Variants in IL16 observed in about 807,000 individuals in gnomAD.
IL16 encodes the protein interleukin 16.
IL16 carries 67 observed loss-of-function variants against 110.1 expected under a neutral mutation model. That is an observed-to-expected ratio of 0.61 (90% CI 0.50 to 0.75). The LOEUF (loss-of-function observed/expected upper bound fraction) is 0.75. Ranked by LOEUF, IL16 falls within the 30% of genes least tolerant of loss-of-function variation. IL16 has a pLI of 0.00. For missense variants in IL16, 1,545 were observed against 1,655.0 expected, an observed-to-expected ratio of 0.93 and a Z score of 1.15; for synonymous variants, 689 against 662.9, an observed-to-expected ratio of 1.04 and a Z score of -0.61.
In IL16 at chr15:81,217,347, A is replaced by G. The variant is rs185829061; in HGVS notation, c.-101-7952A>G. Among the ~76,000 whole-genome samples, 402 of 152,368 alleles carry G rather than the reference A, an allele frequency of 2.6e-3. 2 individuals carry two copies. The highest frequency in any genetic ancestry group is 9.5e-3 in the African/African-American group (393 of 41,586). ...GAGTACTTTTATGACAATGTAAGTGATCAAAATTAACAGAGGAAATTTTTT... is the reference window on the plus strand; with the variant it reads ...GAGTACTTTTATGACAATGTAAGTGGTCAAAATTAACAGAGGAAATTTTTT... On this transcript the variant is annotated intron_variant, in intron 1 of 18. Coordinates refer to ENST00000683961, the MANE Select transcript of IL16 (RefSeq NM_172217.5).
intron 9 of IL16, among the ~76,000 whole-genome samples, chr15:81,284,657 G>C (rs977224254): frequency 1.3e-5 from 2 of 152,344 alleles, no homozygotes; most frequent in East Asian, 3.9e-4. Context: ...CACAGCAGGG[G>C]ACACAGGGAA....
chr15:81,217,646 C>T (rs1037163893), intron 1 of IL16, among the ~76,000 whole-genome samples: 5 of 152,144 alleles, frequency 3.3e-5, no homozygotes, highest in African/African-American at 1.2e-4. Context: ...TTAGCAAACT[C>T]AATCCAGTTA....
chr15:81,279,637 C>G lies in IL16; in HGVS notation c.944C>G (p.Pro315Arg). ...APPSLCSHLS[P>R]PLCRSLSSST... is the part of the protein sequence containing the mutation. ...CCTTCCCTGTGCAGCCACCTGTCTC[C>G]CCCACTGTGCCGCTCCCTGAGCTCC... The change falls in exon 8 of 19, where the codon CCC (proline) becomes CGC (arginine). Residue 315 changes from proline to arginine, a missense_variant. Around this residue, in one of 3 missense-constraint regions of IL16, gnomAD observed 1,185 missense variants for 1,238.8 expected, o/e 0.96. Transcript: ENST00000683961. 1 of 1,614,240 alleles carries G rather than the reference C, an allele frequency of 6.2e-7. No homozygotes were observed. Among genetic ancestry groups the G allele is most frequent in the Non-Finnish European group, 8.5e-7 (1 of 1,180,046 alleles).
At chr15:81,261,338 A>C (rs976402333) in intron 3 of IL16, among the ~76,000 whole-genome samples, 1 of 152,190 alleles carries the variant, frequency 6.6e-6, no homozygotes, top group African/African-American at 2.4e-5. Context: ...CTGGGAGCTG[A>C]ACCCCGCAGA....
chr15:81,240,440 T>C (rs1897304684), intron 2 of IL16, among the ~76,000 whole-genome samples: 1 of 152,048 alleles, frequency 6.6e-6, no homozygotes, highest in Admixed American at 6.6e-5. Context: ...CAAATTATTT[T>C]CTGAAGTGGT....
chr15:81,197,186 C>G, intron 1 of IL16, 34 bp downstream of exon 1: 1 of 1,269,432 alleles, frequency 7.9e-7, no homozygotes, highest in Non-Finnish European at 1.0e-6. Context: ...CTGCTCTGTC[C>G]AGGTGGCCGT....
rs1480954424 is a variant in IL16, at chr15:81,308,914, C to T, written c.*116C>T. 8.8e-6 allele frequency: 8 copies of T among 907,390 alleles called. No individual in the cohort carries two copies. The highest frequency in any genetic ancestry group is 1.3e-5 in the Non-Finnish European group (8 of 607,912). 56.2% of individuals were successfully genotyped at this position (907,390 alleles called of 1,614,324 possible). ...CCAGATGGGGGAAAGCACAGGTGGG[C>T]TTCCCAGTGGCTGCTGCCCAGGCCC... On this transcript the variant is annotated 3_prime_UTR_variant, in exon 19 of 19. Coordinates refer to ENST00000683961, the MANE Select transcript of IL16 (RefSeq NM_172217.5).
chr15:81,306,239 G>A (rs1041614560), intron 17 of IL16, 73 bp downstream of exon 17: 1 of 1,557,576 alleles, frequency 6.4e-7, no homozygotes, highest in South Asian at 1.2e-5. Flanking sequence ...GACCTGATGG[G>A]GCTACTCAGT....
At chr15:81,259,649 A>G in intron 2 of IL16, 123 bp from the exon 3 acceptor site, 1 of 637,522 alleles carries the variant, frequency 1.6e-6, no homozygotes, top group Non-Finnish European at 2.8e-6. Context: ...TATAGTACTT[A>G]TCATTTCAGT....
rs1246775859 is a variant in IL16, at chr15:81,308,798, G to C, written c.3999G>C (p.Ter1333TyrextTer21). 1.1e-5 allele frequency: 17 copies of C among 1,609,508 alleles called. No homozygotes were observed. Among genetic ancestry groups the C allele is most frequent in the Non-Finnish European group, 1.4e-5 (16 of 1,178,600 alleles). ...SKETTAAGDS[*>Y] ...AAACCACAGCTGCTGGAGACTCCTAGGCAGGACATGCTGAAGCCAAAGCCA... is the reference window on the plus strand; with the variant it reads ...AAACCACAGCTGCTGGAGACTCCTACGCAGGACATGCTGAAGCCAAAGCCA... Residue 1333 changes from the stop codon to tyrosine, a stop_lost, in exon 19 of 19, where the codon TAG (stop) becomes TAC (tyrosine). Coordinates refer to ENST00000683961, the MANE Select transcript of IL16 (RefSeq NM_172217.5).
chr15:81,253,262 T>C (rs1399284934), intron 2 of IL16, among the ~76,000 whole-genome samples: 1 of 152,214 alleles, frequency 6.6e-6, no homozygotes, highest in East Asian at 1.9e-4. Context: ...TAGTCTCTTG[T>C]ATATCATTTG....
chr15:81,286,122 T>C (rs1009185043), intron 10 of IL16, among the ~76,000 whole-genome samples: 3 of 152,168 alleles, frequency 2.0e-5, no homozygotes, highest in African/African-American at 7.2e-5. Flanking sequence ...AGAAATTTAT[T>C]CATTTATGCG....
chr15:81,199,030 A>AAAAAATATAT (rs1555411597), intron 1 of IL16, among the ~76,000 whole-genome samples: 2 of 104,202 alleles, frequency 1.9e-5, no homozygotes, highest in Admixed American at 1.9e-4. Context: ...AAAAAAAAAA[A>AAAAAATATAT]ATATATATAT....
intron 1 of IL16, among the ~76,000 whole-genome samples, chr15:81,204,085 T>A (rs1895921233): frequency 6.6e-6 from 1 of 152,116 alleles, no homozygotes; most frequent in South Asian, 2.1e-4. Context: ...TTTGAAGCAA[T>A]TGTGAATGGG....
chr15:81,292,984 G>A lies in IL16; in HGVS notation c.1849G>A (p.Glu617Lys). ...SDSDPQKSLE[E>K]RENSSCSSGH... is the part of the protein sequence containing the mutation. Reference sequence around the variant, plus strand: ...CAGTGACCCTCAGAAGAGTCTGGAAGAGAGAGAGAACTCCTCATGCTCTTC... The same window carrying A: ...CAGTGACCCTCAGAAGAGTCTGGAAAAGAGAGAGAACTCCTCATGCTCTTC... The change falls in exon 12 of 19, where the codon GAG (glutamate) becomes AAG (lysine). Residue 617 changes from glutamate to lysine, a missense_variant. Glu to Lys is a moderately conservative substitution (Grantham distance 56). Transcript: ENST00000683961. 1 of 1,613,310 alleles carries A rather than the reference G, an allele frequency of 6.2e-7. No homozygotes were observed. The highest frequency in any genetic ancestry group is 8.5e-7 in the Non-Finnish European group (1 of 1,179,960).
intron 17 of IL16, 113 bp from the exon 18 acceptor site, chr15:81,306,307 T>C: frequency 2.0e-6 from 3 of 1,528,004 alleles, no homozygotes; most frequent in Admixed American, 1.8e-5. Context: ...CGTGTTTACA[T>C]GTGCCTGTGT....
intron 1 of IL16, among the ~76,000 whole-genome samples, chr15:81,203,920 C>A (rs1166388176): frequency 4.0e-5 from 6 of 151,876 alleles, no homozygotes; most frequent in Non-Finnish European, 8.8e-5. Context: ...GGCAGTATGG[C>A]CATTTTCACG....
chr15:81,237,994 T>A lies in IL16; in HGVS notation c.312+12283T>A, dbSNP rs372352302. ...ATCTCGGCTCACTGCAACCTCCGCC[T>A]CCCAGGTGCAAGCAATTCTCTGCCT... is the stretch of plus-strand genomic sequence containing the variant. On this transcript the variant is annotated intron_variant, in intron 2 of 18. Transcript: ENST00000683961. Among the ~76,000 whole-genome samples, 3 of 152,284 alleles carry A rather than the reference T, an allele frequency of 2.0e-5. No individual in the cohort carries two copies. In the East Asian group the frequency reaches 5.8e-4, roughly 29 times the overall value.
chr15:81,260,087 G>A (rs548255902), intron 3 of IL16, among the ~76,000 whole-genome samples: 8 of 152,270 alleles, frequency 5.3e-5, no homozygotes, highest in African/African-American at 1.7e-4. Context: ...TGCCATGCTG[G>A]AAAGACCTGG....
Sources: allele counts gnomAD v4.1 joint callset (sites outside exome capture counted in the v4.1 genomes callset), GRCh38; gene constraint gnomAD v4.1.1; regional missense constraint gnomAD v4.1.1; transcripts MANE v1.5; gene names NCBI Gene and HGNC (gene_info 2026-07-23, HGNC 2026-07-21).